The following SLC39A9 variants were observed in gnomAD, a reference collection of about 807,000 sequenced individuals.
SLC39A9 encodes the protein solute carrier family 39 member 9, also known as zinc transporter ZIP9.
In SLC39A9, 14 loss-of-function variants were observed where a neutral mutation model predicts 28.4. That is an observed-to-expected ratio of 0.49 (90% CI 0.33 to 0.77). The LOEUF is 0.77. SLC39A9 is among the 30% of genes least tolerant of loss of function. SLC39A9 has a pLI of 0.02. For missense variants in SLC39A9, 283 were observed against 381.1 expected, an observed-to-expected ratio of 0.74 and a Z score of 2.14; for synonymous variants, 119 against 149.6, an observed-to-expected ratio of 0.80 and a Z score of 1.49.
intron 1 of SLC39A9, among the ~76,000 whole-genome samples, chr14:69,403,871 C>T (rs1882770587): frequency 6.6e-6 from 1 of 151,938 alleles, no homozygotes; most frequent in Non-Finnish European, 1.5e-5. Context: ...CGGAGAAACC[C>T]TGTGTCTACT....
chr14:69,450,402 T>A (rs910727719), intron 3 of SLC39A9, among the ~76,000 whole-genome samples: 1 of 152,102 alleles, frequency 6.6e-6, no homozygotes, highest in African/African-American at 2.4e-5. Context: ...GAAATAAAAT[T>A]TTTCCTCCTC....
intron 4 of SLC39A9, among the ~76,000 whole-genome samples, chr14:69,454,282 T>G (rs2139453205): frequency 6.6e-6 from 1 of 152,334 alleles, no homozygotes; most frequent in African/African-American, 2.4e-5. Context: ...TATTTATTTC[T>G]TTTTTTGAGA....
chr14:69,416,172 C>T (rs1883570668), intron 1 of SLC39A9, among the ~76,000 whole-genome samples: 1 of 151,614 alleles, frequency 6.6e-6, no homozygotes, highest in South Asian at 2.1e-4. Context: ...CACCCTGTGT[C>T]CAAGTGTTCT....
intron 2 of SLC39A9, among the ~76,000 whole-genome samples, chr14:69,436,026 A>G (rs995143177): frequency 2.6e-5 from 4 of 151,866 alleles, no homozygotes; most frequent in Admixed American, 2.0e-4. Context: ...TAGATATTAT[A>G]TTTTTCAGTT....
At chr14:69,418,402 G>A (rs1050387910) in intron 1 of SLC39A9, among the ~76,000 whole-genome samples, 1 of 152,062 alleles carries the variant, frequency 6.6e-6, no homozygotes, top group Admixed American at 6.5e-5. Flanking sequence ...TTGCATCGAT[G>A]TTCATCAGGG....
intron 2 of SLC39A9, among the ~76,000 whole-genome samples, chr14:69,438,408 C>T (rs772110660): frequency 7.9e-5 from 12 of 152,122 alleles, no homozygotes; most frequent in Non-Finnish European, 1.6e-4. Context: ...CCTATGGTTT[C>T]GTTCTTCTGT....
chr14:69,423,284 T>A (rs1884000364), intron 1 of SLC39A9, among the ~76,000 whole-genome samples: 1 of 152,188 alleles, frequency 6.6e-6, no homozygotes, highest in Admixed American at 6.5e-5. Flanking sequence ...TTTCTTAATT[T>A]TTAATGGCTG....
intron 3 of SLC39A9, among the ~76,000 whole-genome samples, chr14:69,445,542 G>A (rs967486839): frequency 2.0e-5 from 3 of 152,054 alleles, no homozygotes; most frequent in Non-Finnish European, 4.4e-5. Context: ...GCTATTAGTG[G>A]TTAAGTTTTT....
At chr14:69,452,552 A>G (rs1885658483) in intron 3 of SLC39A9, among the ~76,000 whole-genome samples, 1 of 151,630 alleles carries the variant, frequency 6.6e-6, no homozygotes, top group South Asian at 2.1e-4. Context: ...CTGGTCTCAA[A>G]CTCCTGACCT....
chr14:69,453,201 C>G, intron 3 of SLC39A9, 40 bp from the exon 4 acceptor site: 1 of 1,561,634 alleles, frequency 6.4e-7, no homozygotes, highest in Non-Finnish European at 8.8e-7. Flanking sequence ...CAGTTTCTGT[C>G]TCACATAGCT....
intron 3 of SLC39A9, among the ~76,000 whole-genome samples, chr14:69,448,427 G>A (rs1306844664): frequency 2.0e-5 from 3 of 152,106 alleles, no homozygotes; most frequent in East Asian, 3.9e-4. Context: ...CCAGTGAGCA[G>A]CAGATGTACA....
At chr14:69,405,676 C>T (rs531673062) in intron 1 of SLC39A9, among the ~76,000 whole-genome samples, 1 of 152,260 alleles carries the variant, frequency 6.6e-6, no homozygotes, top group East Asian at 1.9e-4. Context: ...TGTCTTTTCT[C>T]AGATTGAACT....
At position 69,461,221 on chromosome 14, in the gene SLC39A9, A is replaced by G. The variant is rs1031805633; in HGVS notation, c.*2628A>G. On this transcript the variant is annotated 3_prime_UTR_variant, in exon 7 of 7. Coordinates refer to ENST00000336643, the MANE Select transcript of SLC39A9 (RefSeq NM_018375.5). ...ATAACCAAAGTTAATCTTAATTGCA[A>G]TTTGACTCCGTTTCCTTGGTAGGGA... The G allele has an allele frequency of 6.1e-6, 6 of 987,574 alleles. No individual in the cohort carries two copies. Among genetic ancestry groups the G allele is most frequent in the African/African-American group, 1.7e-5 (1 of 57,386 alleles). The allele number at this position is 987,574 out of a possible 1,614,324, so 61.2% of individuals were successfully genotyped here. A position where few individuals can be genotyped will look rare whatever the true frequency, so the allele number is the denominator to read the frequency against.
intron 1 of SLC39A9, among the ~76,000 whole-genome samples, chr14:69,421,492 CAG>C (rs1883889805): frequency 6.6e-6 from 1 of 152,246 alleles, no homozygotes. Flanking sequence ...TGTCTATTCT[CAG>C]AGCTCAGACA....
intron 2 of SLC39A9, among the ~76,000 whole-genome samples, chr14:69,427,510 G>A (rs1433950326): frequency 6.6e-6 from 1 of 152,066 alleles, no homozygotes; most frequent in Non-Finnish European, 1.5e-5. Flanking sequence ...CAAATGCATA[G>A]AGAGTGATGT....
At chr14:69,454,137 A>C (rs1885744958) in intron 4 of SLC39A9, among the ~76,000 whole-genome samples, 1 of 152,260 alleles carries the variant, frequency 6.6e-6, no homozygotes, top group Admixed American at 6.5e-5. Context: ...TGGCAAAGAA[A>C]GGCATGTGAA....
chr14:69,417,766 T>C (rs1246486746), intron 1 of SLC39A9, among the ~76,000 whole-genome samples: 1 of 152,176 alleles, frequency 6.6e-6, no homozygotes, highest in Non-Finnish European at 1.5e-5. Flanking sequence ...ATGATTTGGC[T>C]CTCTGCTTGT....
intron 1 of SLC39A9, among the ~76,000 whole-genome samples, chr14:69,422,725 C>G (rs1883966423): frequency 6.6e-6 from 1 of 152,224 alleles, no homozygotes; most frequent in South Asian, 2.1e-4. Flanking sequence ...GCTGGGATTA[C>G]AGGCACACAC....
At chr14:69,432,617 C>A (rs889730837) in intron 2 of SLC39A9, among the ~76,000 whole-genome samples, 3 of 151,922 alleles carry the variant, frequency 2.0e-5, no homozygotes, top group African/African-American at 4.8e-5. Context: ...GTCATAAATT[C>A]TTTCCCAAGG....
Sources: allele counts gnomAD v4.1 joint callset (sites outside exome capture counted in the v4.1 genomes callset), GRCh38; gene constraint gnomAD v4.1.1; transcripts MANE v1.5; gene names NCBI Gene and HGNC (gene_info 2026-07-23, HGNC 2026-07-21).